The following MAMDC2 variants were observed in gnomAD, a reference collection of about 807,000 sequenced individuals.
MAMDC2 encodes the protein MAM domain containing 2.
Under a neutral mutation model 89.8 loss-of-function variants are expected in MAMDC2, and 57 were observed. The ratio of observed to expected loss-of-function variants is 0.63; its 90% CI spans 0.51 to 0.79. The LOEUF is 0.79. Ranked by LOEUF, MAMDC2 falls within the 30% of genes least tolerant of loss-of-function variation. The pLI, the probability that MAMDC2 is intolerant of heterozygous loss-of-function variation, is 0.00. For synonymous variants in MAMDC2, 313 were observed against 293.4 expected (o/e 1.07, Z -0.68); for missense variants, 800 against 820.6 (o/e 0.97, Z 0.31).
chr9:70,069,015 T>C lies in MAMDC2; in HGVS notation c.148+24318T>C, dbSNP rs530382740. ...CCAATGAAAGAATGGTTCAATGTGATTGCAGCAAACAACAGTGTGGAAGAA... is the reference window on the plus strand; with the variant it reads ...CCAATGAAAGAATGGTTCAATGTGACTGCAGCAAACAACAGTGTGGAAGAA... On this transcript the variant is annotated intron_variant, in intron 2 of 13. Coordinates refer to ENST00000377182, the MANE Select transcript of MAMDC2 (RefSeq NM_153267.5). Among the ~76,000 whole-genome samples the C allele has an allele frequency of 3.3e-5, 5 of 152,326 alleles. 1 individual carries two copies. The East Asian group carries it at 9.6e-4, about 29-fold the overall frequency.
In MAMDC2 at chr9:70,131,588, CCTGTTCA is replaced by C; in HGVS notation, c.974_980del (p.Val325AlafsTer37). 6.2e-7 allele frequency: 1 copy of C among 1,609,932 alleles called. No homozygotes were observed. The highest frequency in any genetic ancestry group is 1.1e-5 in the South Asian group (1 of 90,022). ...TGCCCTGGATGATATTTCATTCTCTCCTGTTCACTGCCAGAATCAGACAGGTGAGCAT... is the reference window on the plus strand; with the variant it reads ...TGCCCTGGATGATATTTCATTCTCTCCTGCCAGAATCAGACAGGTGAGCAT... On this transcript the variant is annotated frameshift_variant, in exon 7 of 14. Transcript: ENST00000377182. LOFTEE classifies it high-confidence loss of function.
At chr9:70,195,272 C>G (rs1374747124) in intron 11 of MAMDC2, among the ~76,000 whole-genome samples, 1 of 152,042 alleles carries the variant, frequency 6.6e-6, no homozygotes, top group Non-Finnish European at 1.5e-5. Context: ...CCAGCCGCAC[C>G]ACCTGGCTCC....
chr9:70,102,067 C>T (rs1160716369), intron 2 of MAMDC2, among the ~76,000 whole-genome samples: 2 of 152,108 alleles, frequency 1.3e-5, no homozygotes. Flanking sequence ...AGTGGCTATT[C>T]ATATGAAAAA....
At chr9:70,168,959 T>C (rs2118525865) in intron 10 of MAMDC2, among the ~76,000 whole-genome samples, 164 bp downstream of exon 10, 1 of 152,320 alleles carries the variant, frequency 6.6e-6, no homozygotes, top group South Asian at 2.1e-4. Context: ...TTAGAAATGA[T>C]GATTCCAGTG....
intron 2 of MAMDC2, among the ~76,000 whole-genome samples, chr9:70,101,361 A>C (rs1828190762): frequency 6.6e-6 from 1 of 152,090 alleles, no homozygotes; most frequent in South Asian, 2.1e-4. Context: ...GAAAAAAGAA[A>C]AATATTTTAT....
chr9:70,165,463 T>C (rs984303423), intron 9 of MAMDC2, among the ~76,000 whole-genome samples: 5 of 152,186 alleles, frequency 3.3e-5, no homozygotes, highest in Non-Finnish European at 5.9e-5. Flanking sequence ...CCAAGCAAAT[T>C]TGGGGATTAA....
At chr9:70,068,352 G>A (rs982552728) in intron 2 of MAMDC2, among the ~76,000 whole-genome samples, 4 of 152,116 alleles carry the variant, frequency 2.6e-5, no homozygotes, top group African/African-American at 7.2e-5. Context: ...CCTCCTCTGT[G>A]GGGGTAGGGA....
chr9:70,153,772 CCCAT>C, intron 9 of MAMDC2: 1 of 152,136 alleles, frequency 6.6e-6, no homozygotes, highest in Non-Finnish European at 1.5e-5. Context: ...GGAGAAAGCC[CCCAT>C]CCAACCAGTT....
chr9:70,061,664 T>G (rs1480054599), intron 2 of MAMDC2, among the ~76,000 whole-genome samples: 1 of 152,196 alleles, frequency 6.6e-6, no homozygotes, highest in East Asian at 1.9e-4. Flanking sequence ...TTTAATACAC[T>G]ATTTAAAAAC....
chr9:70,089,668 C>A (rs1421502160), intron 2 of MAMDC2, among the ~76,000 whole-genome samples: 2 of 152,076 alleles, frequency 1.3e-5, no homozygotes, highest in African/African-American at 4.8e-5. Context: ...GGGAATACAC[C>A]AAATACAAAC....
chr9:70,170,322 G>T, intron 10 of MAMDC2, 157 bp from the exon 11 acceptor site: 1 of 622,646 alleles, frequency 1.6e-6, no homozygotes. Flanking sequence ...CCTCTAGCTG[G>T]AAGCAGTGGC....
At chr9:70,189,491 T>A (rs1388421811) in intron 11 of MAMDC2, among the ~76,000 whole-genome samples, 1 of 152,224 alleles carries the variant, frequency 6.6e-6, no homozygotes, top group African/African-American at 2.4e-5. Flanking sequence ...AAAGAAAAAA[T>A]TTTATTAATT....
At chr9:70,109,568 G>C (rs1028441026) in intron 3 of MAMDC2, 152 bp from the exon 4 acceptor site, 14 of 644,692 alleles carry the variant, frequency 2.2e-5, no homozygotes, top group Non-Finnish European at 3.9e-5. Context: ...AAAGTCCGTA[G>C]TGAAATTGGT....
At chr9:70,196,089 C>T (rs2032969962) in intron 11 of MAMDC2, among the ~76,000 whole-genome samples, 1 of 152,054 alleles carries the variant, frequency 6.6e-6, no homozygotes, top group African/African-American at 2.4e-5. Flanking sequence ...GGCAAGAGAG[C>T]TTGTGCATGG....
intron 5 of MAMDC2, among the ~76,000 whole-genome samples, chr9:70,115,484 T>C (rs768690283): frequency 3.7e-4 from 56 of 152,058 alleles, no homozygotes; most frequent in African/African-American, 1.3e-3. Flanking sequence ...GCCTCCCAAG[T>C]AGCTGGGATT....
intron 2 of MAMDC2, among the ~76,000 whole-genome samples, chr9:70,100,913 C>T (rs1440009950): frequency 6.6e-6 from 1 of 152,214 alleles, no homozygotes; most frequent in East Asian, 1.9e-4. Flanking sequence ...ACTAAAAACT[C>T]CTGCCTTTGA....
chr9:70,059,236 T>G (rs779473015), intron 2 of MAMDC2, among the ~76,000 whole-genome samples: 1 of 152,080 alleles, frequency 6.6e-6, no homozygotes, highest in Non-Finnish European at 1.5e-5. Flanking sequence ...GTGAGATCAG[T>G]CTTCTGTCTT....
At chr9:70,100,271 A>C (rs559169190) in intron 2 of MAMDC2, among the ~76,000 whole-genome samples, 2 of 152,362 alleles carry the variant, frequency 1.3e-5, no homozygotes, top group East Asian at 3.9e-4. Flanking sequence ...GTTTCAGATA[A>C]TATAATTAAC....
intron 11 of MAMDC2, among the ~76,000 whole-genome samples, chr9:70,198,677 T>C (rs897625724): frequency 3.9e-5 from 6 of 152,148 alleles, no homozygotes; most frequent in Non-Finnish European, 4.4e-5. Context: ...GCACTTTCTT[T>C]TGTAGTACAG....
Sources: allele counts gnomAD v4.1 joint callset (sites outside exome capture counted in the v4.1 genomes callset), GRCh38; gene constraint gnomAD v4.1.1; transcripts MANE v1.5; gene names NCBI Gene and HGNC (gene_info 2026-07-23, HGNC 2026-07-21).